The following IL3RA variants were observed in gnomAD, a reference collection of about 807,000 sequenced individuals.
IL3RA encodes the protein interleukin 3 receptor subunit alpha, also known as interleukin-3 receptor subunit alpha.
In IL3RA, 73 loss-of-function variants were observed where a neutral mutation model predicts 52.3. That is an observed-to-expected ratio of 1.40 (90% CI 1.16 to 1.70). The LOEUF is 1.70. IL3RA is among the 40% of genes most tolerant of loss of function. IL3RA has a pLI of 0.00. For missense variants in IL3RA, 664 were observed against 504.4 expected, an observed-to-expected ratio of 1.32 and a Z score of -3.03; for synonymous variants, 260 against 194.0, an observed-to-expected ratio of 1.34 and a Z score of -2.83.
At chrX:1,348,644 C>CCT in intron 4 of IL3RA, 99 bp downstream of exon 4, 1 of 496,242 alleles carries the variant, frequency 2.0e-6, no homozygotes, top group Non-Finnish European at 3.4e-6. Context: ...TTTTCTTTTT[C>CCT]TCTTTCTTTC....
chrX:1,354,719 A>G, intron 6 of IL3RA, among the ~76,000 whole-genome samples: 1 of 90,862 alleles, frequency 1.1e-5, no homozygotes, highest in Non-Finnish European at 2.3e-5. Context: ...AAATGGAGGG[A>G]AAGGAGGGGG....
intron 4 of IL3RA, among the ~76,000 whole-genome samples, 192 bp downstream of exon 4, chrX:1,348,737 T>C (rs111585574): frequency 7.9e-6 from 1 of 126,574 alleles, no homozygotes; most frequent in African/African-American, 3.1e-5. Context: ...TCTTTTTCTT[T>C]CTTTCTTTCC....
intron 6 of IL3RA, among the ~76,000 whole-genome samples, chrX:1,354,319 G>A (rs1448942363): frequency 7.2e-5 from 11 of 152,000 alleles, no homozygotes; most frequent in Non-Finnish European, 1.2e-4. Context: ...TTCAGTCCAC[G>A]ATACCCGAGC....
In IL3RA at chrX:1,347,241, C is replaced by T. The variant is rs371665611; in HGVS notation, c.184-1190C>T. Among the ~76,000 whole-genome samples the T allele has an allele frequency of 4.1e-4, 61 of 150,218 alleles. 1 individual carries two copies. The East Asian group carries it at 8.4e-3, about 21-fold the overall frequency. ...CGGGTGGATCACGAGGTCAGGAGAT[C>T]GAGACCCTCCTGGCTAACACGGTGA... On this transcript the variant is annotated intron_variant, in intron 3 of 11. Coordinates refer to ENST00000331035, the MANE Select transcript of IL3RA (RefSeq NM_002183.4).
chrX:1,365,233 G>A lies in IL3RA; in HGVS notation c.855G>A (p.Trp285Ter), dbSNP rs140070860. The change falls in exon 9 of 12, where the codon TGG (tryptophan) becomes TGA (stop). Residue 285 changes from tryptophan (W) to a stop codon, truncating the protein, a stop_gained. Coordinates refer to ENST00000331035, the MANE Select transcript of IL3RA (RefSeq NM_002183.4). LOFTEE classifies it high-confidence loss of function. The stretch of plus-strand genomic sequence containing the variant: ...GAGTGTATGAATTCTTGAGCGCCTG[G>A]AGCACCCCCCAGCGCTTCGGTGAGT... ...RERVYEFLSA[W>*]STPQRFECDQ... is the part of the protein sequence containing the mutation. 4.3e-6 allele frequency: 7 copies of A among 1,610,270 alleles called. No individual in the cohort carries two copies. The African/African-American group carries it at 9.4e-5, about 22-fold the overall frequency.
chrX:1,377,647 G>A (rs2088867944), intron 9 of IL3RA, among the ~76,000 whole-genome samples: 1 of 151,430 alleles, frequency 6.6e-6, no homozygotes, highest in Admixed American at 6.6e-5. Context: ...TAGGTTCTGG[G>A]GGTGAGGTCA....
rs111468680 is a variant in IL3RA at position 1,378,270 on chromosome X, G to A, written c.875-389G>A. ...AAACACAAAATCAAGTTCAAAGCAC[G>A]CACGCCAGTGCTGCCTCTGCTGCCC... On this transcript the variant is annotated intron_variant, in intron 9 of 11. Transcript: ENST00000331035. 1.1e-3 allele frequency among the ~76,000 whole-genome samples: 171 copies of A among 151,340 alleles called. 1 individual carries two copies. The highest frequency in any genetic ancestry group is 4.0e-3 in the African/African-American group (166 of 41,284).
chrX:1,378,753 G>A lies in IL3RA; in HGVS notation c.969G>A (p.Val323=). ...TGCTGGCCCTGGTCTGTGTCTTCGT[G>A]ATCTGCAGAAGGTGAGCCCTCGAGG... is the stretch of plus-strand genomic sequence containing the variant. The part of the protein sequence containing the change: ...GTLLALVCVF[V]ICRRYLVMQR... Residue 323 remains valine (V), a synonymous_variant, in exon 10 of 12, where the codon GTG becomes GTA. Transcript: ENST00000331035. The A allele has an allele frequency of 1.2e-6, 2 of 1,612,360 alleles. No individual in the cohort carries two copies. Among genetic ancestry groups the A allele is most frequent in the Non-Finnish European group, 8.5e-7 (1 of 1,179,828 alleles).
At chrX:1,379,766 C>T (rs2089046862) in intron 10 of IL3RA, among the ~76,000 whole-genome samples, 1 of 152,148 alleles carries the variant, frequency 6.6e-6, no homozygotes, top group East Asian at 1.9e-4. Flanking sequence ...GGTCCTGTCT[C>T]CTTTTTTTTA....
chrX:1,365,088 C>A, intron 8 of IL3RA, 50 bp from the exon 9 acceptor site: 1 of 1,402,068 alleles, frequency 7.1e-7, no homozygotes, highest in Non-Finnish European at 1.0e-6. Flanking sequence ...AGGTGAGAGT[C>A]ATGAGCCACC....
chrX:1,342,559 C>CTTTTTTTTTTTTTTTTTTTTTTTTTT (rs751414193), intron 2 of IL3RA, among the ~76,000 whole-genome samples: 1 of 111,318 alleles, frequency 9.0e-6, no homozygotes, highest in Non-Finnish European at 1.8e-5. Context: ...TCTTTAACTT[C>CTTTTTTTTTTTTTTTTTTTTTTTTTT]TTTTTTTTTT....
At chrX:1,361,611 G>T (rs1294172348) in intron 8 of IL3RA, among the ~76,000 whole-genome samples, 1 of 151,900 alleles carries the variant, frequency 6.6e-6, no homozygotes, top group Non-Finnish European at 1.5e-5. Flanking sequence ...TTACCCAGAC[G>T]TGGTGGTGGC....
intron 3 of IL3RA, 149 bp from the exon 4 acceptor site, chrX:1,348,282 G>A (rs2085862044): frequency 7.4e-6 from 5 of 676,840 alleles, no homozygotes; most frequent in South Asian, 5.1e-5. Flanking sequence ...GAACCCGGGA[G>A]GGAGAGGCTG....
intron 8 of IL3RA, among the ~76,000 whole-genome samples, chrX:1,360,899 C>G (rs1445495993): frequency 7.1e-6 from 1 of 141,326 alleles, no homozygotes; most frequent in African/African-American, 2.7e-5. Flanking sequence ...CTCCCTTCCC[C>G]TCTCTGTCTC....
chrX:1,352,557 C>A, intron 6 of IL3RA, 51 bp downstream of exon 6: 1 of 1,572,512 alleles, frequency 6.4e-7, no homozygotes, highest in Non-Finnish European at 8.7e-7. Context: ...GATACCACGG[C>A]TTTAGCGCCA....
chrX:1,345,883 G>C (rs1344635543), intron 3 of IL3RA, among the ~76,000 whole-genome samples: 9 of 152,100 alleles, frequency 5.9e-5, no homozygotes, highest in South Asian at 2.1e-4. Context: ...TGACTACCTG[G>C]TTTCTGCCCC....
rs753602304 is a variant in IL3RA, at chrX:1,378,711, G to T, written c.927G>T (p.Leu309=). The T allele has an allele frequency of 6.2e-7, 1 of 1,612,610 alleles. No individual in the cohort carries two copies. The highest frequency in any genetic ancestry group is 1.3e-5 in the African/African-American group (1 of 74,902). Residue 309 remains leucine, a synonymous_variant, in exon 10 of 12, where the codon CTG becomes CTT. Transcript: ENST00000331035. ...ANTRAWRTSL[L]IALGTLLALV... Reference sequence around the variant, plus strand: ...CACGTGCCTGGCGGACGTCGCTGCTGATCGCGCTGGGGACGCTGCTGGCCC... The same window carrying T: ...CACGTGCCTGGCGGACGTCGCTGCTTATCGCGCTGGGGACGCTGCTGGCCC...
intron 10 of IL3RA, among the ~76,000 whole-genome samples, chrX:1,379,707 C>T (rs183150772): frequency 2.6e-5 from 4 of 152,352 alleles, no homozygotes; most frequent in South Asian, 2.1e-4. Flanking sequence ...GGCCAGGATC[C>T]GTCATGCAGA....
intron 6 of IL3RA, among the ~76,000 whole-genome samples, chrX:1,352,851 T>G (rs7891623): frequency 6.7e-6 from 1 of 149,568 alleles, no homozygotes; most frequent in African/African-American, 2.5e-5. Flanking sequence ...CATCATGGGT[T>G]CCATCATGGG....
Sources: allele counts gnomAD v4.1 joint callset (sites outside exome capture counted in the v4.1 genomes callset), GRCh38; gene constraint gnomAD v4.1.1; transcripts MANE v1.5; gene names NCBI Gene and HGNC (gene_info 2026-07-23, HGNC 2026-07-21).